NOP9: variants seen among roughly 807,000 people sequenced by gnomAD.
NOP9 encodes the protein nucleolar protein 9.
NOP9 carries 50 observed loss-of-function variants against 63.0 expected under a neutral mutation model. The observed-to-expected ratio is 0.79, with a 90% confidence interval of 0.63 to 1.00. The LOEUF (loss-of-function observed/expected upper bound fraction) is 1.00. NOP9 is among the 50% of genes least tolerant of loss of function. NOP9 has a pLI of 0.00. For synonymous variants in NOP9, 343 were observed against 332.8 expected, an observed-to-expected ratio of 1.03 and a Z score of -0.33; for missense variants, 758 against 803.0, an observed-to-expected ratio of 0.94 and a Z score of 0.68.
At chr14:24,298,978 G>T (rs1439510697), upstream of NOP9, 1 of 1,612,236 alleles carries the variant, frequency 6.2e-7, no homozygotes, top group East Asian at 2.2e-5. Context: ...CAACGCGAAG[G>T]GTGTCCAGAT....
At chr14:24,285,294 T>TA in the NOP9 span, among the ~76,000 whole-genome samples, 4 of 152,332 alleles carry the variant, frequency 2.6e-5, no homozygotes, top group Non-Finnish European at 1.5e-5. Context: ...CTGCTGTCAT[T>TA]AGTCTCTATT....
the NOP9 span, chr14:24,293,289 G>GA: frequency 6.5e-6 from 1 of 153,220 alleles, no homozygotes; most frequent in Admixed American, 6.5e-5. Context: ...AGAACAGCCA[G>GA]AAAAGCTGGG....
chr14:24,307,480 C>G lies in NOP9; in HGVS notation c.*2385C>G. 6.2e-7 allele frequency: 1 copy of G among 1,614,058 alleles called. No individual in the cohort carries two copies. Among genetic ancestry groups the G allele is most frequent in the Non-Finnish European group, 8.5e-7 (1 of 1,179,982 alleles). On this transcript the variant is annotated 3_prime_UTR_variant, in exon 10 of 10. Coordinates refer to ENST00000267425, the MANE Select transcript of NOP9 (RefSeq NM_174913.3). ...GGGTGGTGGAGCTGAGGTCCAGACC[C>G]TCCGTCCAAACTCCGAGCTTATATT...
the NOP9 span, among the ~76,000 whole-genome samples, chr14:24,274,572 G>A: frequency 6.6e-6 from 1 of 152,052 alleles, no homozygotes; most frequent in Non-Finnish European, 1.5e-5. Flanking sequence ...CCTCCTATGT[G>A]GGATAAGTGG....
In NOP9 at chr14:24,305,350, G is replaced by A. The variant is rs201544233; in HGVS notation, c.*255G>A. 3.3e-4 allele frequency: 186 copies of A among 566,558 alleles called. 1 individual carries two copies. The African/African-American group carries it at 3.4e-3, about 10-fold the overall frequency. The allele number at this position is 566,558 out of a possible 1,614,324, so 35.1% of individuals were successfully genotyped here. On this transcript the variant is annotated 3_prime_UTR_variant, in exon 10 of 10. Coordinates refer to ENST00000267425, the MANE Select transcript of NOP9 (RefSeq NM_174913.3). ...AGGGGATTAGATGTAGCAGCAGTCA[G>A]GCTGGGATCAAGATGCCTGGGGGAC...
At chr14:24,293,025 C>A in the NOP9 span, 56 of 484,794 alleles carry the variant, frequency 1.2e-4, no homozygotes, top group South Asian at 5.1e-4. Flanking sequence ...ACGCAAGAGC[C>A]CTGTCACAAT....
chr14:24,308,005 G>A lies in NOP9; in HGVS notation c.*2910G>A. ...GTCAAGCCTGGACTCTGGCCCCCCT[G>A]CCTGGCCAGTAAGAAGGGCAAAGTC... On this transcript the variant is annotated 3_prime_UTR_variant, in exon 10 of 10. Coordinates refer to ENST00000267425, the MANE Select transcript of NOP9 (RefSeq NM_174913.3). 4.1e-6 allele frequency: 3 copies of A among 736,540 alleles called. No homozygotes were observed. The highest frequency in any genetic ancestry group is 3.3e-5 in the South Asian group (2 of 61,306). 45.6% of individuals were successfully genotyped at this position (736,540 alleles called of 1,614,324 possible). A position where few individuals can be genotyped will look rare whatever the true frequency, so the allele number is the denominator to read the frequency against.
the NOP9 span, chr14:24,294,538 G>C: frequency 6.6e-6 from 1 of 152,110 alleles, no homozygotes; most frequent in Non-Finnish European, 1.5e-5. Context: ...GCAGTGAGCT[G>C]AGATTGCACA....
chr14:24,306,508 G>C lies in NOP9; in HGVS notation c.*1413G>C. 7 of 1,614,244 alleles carry C rather than the reference G, an allele frequency of 4.3e-6. No individual in the cohort carries two copies. The highest frequency in any genetic ancestry group is 5.9e-6 in the Non-Finnish European group (7 of 1,180,040). On this transcript the variant is annotated 3_prime_UTR_variant, in exon 10 of 10. Coordinates refer to ENST00000267425, the MANE Select transcript of NOP9 (RefSeq NM_174913.3). Reference sequence around the variant, plus strand: ...ACCAGGGTTAGCACTCCATTCAGCAGTAGGGTCTCCAATGCCTGCCCAATG... The same window carrying C: ...ACCAGGGTTAGCACTCCATTCAGCACTAGGGTCTCCAATGCCTGCCCAATG...
At chr14:24,283,346 T>C in the NOP9 span, among the ~76,000 whole-genome samples, 2 of 151,304 alleles carry the variant, frequency 1.3e-5, no homozygotes, top group Non-Finnish European at 2.9e-5. Context: ...CCCAGCACTT[T>C]GGGAGGCTGA....
upstream of NOP9, chr14:24,298,929 C>CA: frequency 6.3e-7 from 1 of 1,583,990 alleles, no homozygotes; most frequent in South Asian, 1.1e-5. Flanking sequence ...GTGGTTTCTG[C>CA]AACTGTGGTC....
At chr14:24,278,907 A>C in the NOP9 span, among the ~76,000 whole-genome samples, 30,708 of 152,098 alleles carry the variant, frequency 0.2, 3,974 homozygotes, top group African/African-American at 0.37. Flanking sequence ...CACAGGGAAG[A>C]CATGAAGATA....
rs960077521 is a variant in NOP9 at position 24,304,550 on chromosome 14, T to G, written c.1705T>G (p.Trp569Gly). 5 of 1,613,774 alleles carry G rather than the reference T, an allele frequency of 3.1e-6. No homozygotes were observed. In the African/African-American group the frequency reaches 6.7e-5, roughly 22 times the overall value. ...TGGCAGCCGTGTGCTAGATGCCATC[T>G]GGAGTGGAGCAGCCTTGAGGGCCCG... ...RHGSRVLDAI[W>G]SGAALRARKE... The change falls in exon 9 of 10, where the codon TGG becomes GGG. Residue 569 changes from tryptophan (W) to glycine (G), a missense_variant. Trp to Gly is a radical substitution (Grantham distance 184). Coordinates refer to ENST00000267425, the MANE Select transcript of NOP9 (RefSeq NM_174913.3).
At chr14:24,284,163 G>T in the NOP9 span, among the ~76,000 whole-genome samples, 1 of 152,224 alleles carries the variant, frequency 6.6e-6, no homozygotes, top group Non-Finnish European at 1.5e-5. Context: ...CCCCAGGAAG[G>T]TGAAACCTGG....
At chr14:24,290,767 T>G in the NOP9 span, 2 of 1,531,220 alleles carry the variant, frequency 1.3e-6, no homozygotes, top group Non-Finnish European at 1.8e-6. Context: ...AGGGTATGGG[T>G]AAACAAGAAA....
chr14:24,306,613 A>T lies in NOP9; in HGVS notation c.*1518A>T, dbSNP rs911043207. On this transcript the variant is annotated 3_prime_UTR_variant, in exon 10 of 10. Coordinates refer to ENST00000267425, the MANE Select transcript of NOP9 (RefSeq NM_174913.3). ...CAACATCCATCAGTTGGCTCTAGACATTGGTCGATGTCCCACTTTGACTTT... is the reference window on the plus strand; with the variant it reads ...CAACATCCATCAGTTGGCTCTAGACTTTGGTCGATGTCCCACTTTGACTTT... 10 of 1,548,596 alleles carry T rather than the reference A, an allele frequency of 6.5e-6. No individual in the cohort carries two copies. The African/African-American group carries it at 9.5e-5, about 15-fold the overall frequency.
At chr14:24,299,756 C>T (rs1566408061), upstream of NOP9, 2 of 606,956 alleles carry the variant, frequency 3.3e-6, no homozygotes, top group Admixed American at 6.7e-5. Context: ...AAAGTTAGAA[C>T]CTGCGGATGG....
At chr14:24,286,123 C>A in the NOP9 span, among the ~76,000 whole-genome samples, 1 of 152,204 alleles carries the variant, frequency 6.6e-6, no homozygotes, top group African/African-American at 2.4e-5. Context: ...CTCGGTCAGG[C>A]CCTCAGTGCC....
At chr14:24,296,818 G>C (rs747329375), upstream of NOP9, 1 of 1,614,078 alleles carries the variant, frequency 6.2e-7, no homozygotes, top group African/African-American at 1.3e-5. Flanking sequence ...AACAGGCTTC[G>C]CACTTCACTC....
Sources: allele counts gnomAD v4.1 joint callset (sites outside exome capture counted in the v4.1 genomes callset), GRCh38; gene constraint gnomAD v4.1.1; transcripts MANE v1.5; gene names NCBI Gene and HGNC (gene_info 2026-07-23, HGNC 2026-07-21).